Variants in ARF1 observed in about 807,000 individuals in gnomAD.
The protein encoded by ARF1 is ARF GTPase 1.
A neutral mutation model predicts 18.0 loss-of-function variants in ARF1; 1 was observed. The ratio of observed to expected loss-of-function variants is 0.06; its 90% CI spans 0.02 to 0.26. ARF1 has a LOEUF of 0.26. Among genes scored for constraint, ARF1 ranks in the 10% least tolerant of loss-of-function variants. The pLI is 1.00. For synonymous variants in ARF1, 112 were observed against 96.3 expected, an observed-to-expected ratio of 1.16 and a Z score of -0.95; for missense variants, 73 against 247.2, an observed-to-expected ratio of 0.30 and a Z score of 4.73.
chr1:228,083,307 C>T (rs1436817781), intron 1 of ARF1: 1 of 152,318 alleles, frequency 6.6e-6, no homozygotes, highest in Non-Finnish European at 1.5e-5. Flanking sequence ...CCGTCAAGGT[C>T]ATGTAGGTGG....
In ARF1 at chr1:228,097,124, A is replaced by G. The variant is rs2032773362; in HGVS notation, c.10A>G (p.Ile4Val). The change falls in exon 2 of 5, where the codon ATC (isoleucine) becomes GTC (valine). Residue 4 changes from isoleucine (I) to valine (V), a missense_variant. By Grantham distance (29) the Ile-to-Val change is conservative. Around this residue, in one of 3 missense-constraint regions of ARF1, gnomAD observed 13 missense variants for 17.2 expected, o/e 0.75. Transcript: ENST00000272102. The surrounding 1 kb of genome is among the most constrained non-coding windows in gnomAD (Gnocchi z 8.1). ...CCACCTGTCCACAAGCATGGGGAAC[A>G]TCTTCGCCAACCTCTTCAAGGGCCT... MGN[I>V]FANLFKGLFG... The G allele has an allele frequency of 6.2e-7, 1 of 1,603,624 alleles. No individual in the cohort carries two copies. The highest frequency in any genetic ancestry group is 1.1e-5 in the South Asian group (1 of 88,976).
At position 228,099,075 on chromosome 1, in the gene ARF1, A is replaced by G. The variant is rs972912581; in HGVS notation, c.*1062A>G. 51 of 152,674 alleles carry G rather than the reference A, an allele frequency of 3.3e-4. No individual in the cohort carries two copies. Among genetic ancestry groups the G allele is most frequent in the African/African-American group, 9.6e-4 (40 of 41,466 alleles). The allele number at this position is 152,674 out of a possible 1,614,324, so 9.5% of individuals were successfully genotyped here. A position where few individuals can be genotyped will look rare whatever the true frequency, so the allele number is the denominator to read the frequency against. On this transcript the variant is annotated 3_prime_UTR_variant, in exon 5 of 5. Coordinates refer to ENST00000272102, the MANE Select transcript of ARF1 (RefSeq NM_001658.4). Reference sequence around the variant, plus strand: ...CTTGGGGAAACCTCAGAACTGGTCTATTTGGTGTCGTGGAACCTCTTACTG... The same window carrying G: ...CTTGGGGAAACCTCAGAACTGGTCTGTTTGGTGTCGTGGAACCTCTTACTG...
At position 228,097,460 on chromosome 1, in the gene ARF1, G is replaced by T. The variant is rs781667395; in HGVS notation, c.259+8G>T. On this transcript the variant is annotated splice_region_variant and intron_variant, in intron 3 of 4. Transcript: ENST00000272102. This position sits in a 1 kb window ranked among gnomAD's most constrained non-coding sequence, Gnocchi z 8.1. ...ACTTCCAGAACACACAAGGTAAGTG[G>T]CTGGGGCCTGGTCCCATGGGCACTC... 6.2e-7 allele frequency: 1 copy of T among 1,613,852 alleles called. No homozygotes were observed. Among genetic ancestry groups the T allele is most frequent in the Non-Finnish European group, 8.5e-7 (1 of 1,179,888 alleles).
rs144083555 is a variant in ARF1 at position 228,099,017 on chromosome 1, G to A, written c.*1004G>A. The A allele has an allele frequency of 1.3e-5, 2 of 152,716 alleles. No individual in the cohort carries two copies. The highest frequency in any genetic ancestry group is 3.9e-4 in the East Asian group (2 of 5,182). 9.5% of individuals were successfully genotyped at this position (152,716 alleles called of 1,614,324 possible). ...CCTCTACTTTTTTCTTTTGTATTTT[G>A]ATAAACACTGAAGCTGGAGCTGTTA... is the stretch of plus-strand genomic sequence containing the variant. On this transcript the variant is annotated 3_prime_UTR_variant, in exon 5 of 5. Coordinates refer to ENST00000272102, the MANE Select transcript of ARF1 (RefSeq NM_001658.4).
chr1:228,090,245 C>T (rs978700091), intron 1 of ARF1, among the ~76,000 whole-genome samples: 42 of 152,230 alleles, frequency 2.8e-4, no homozygotes, highest in African/African-American at 1.0e-3. Context: ...CCCTTGGGCA[C>T]AGCATAGGCG....
chr1:228,096,036 C>T (rs1216788177), intron 1 of ARF1, among the ~76,000 whole-genome samples: 2 of 152,210 alleles, frequency 1.3e-5, no homozygotes, highest in African/African-American at 2.4e-5. Flanking sequence ...AAATCAGACA[C>T]GGGCGGCCAG....
intron 1 of ARF1, chr1:228,090,546 G>A (rs2032545658): frequency 6.6e-6 from 1 of 152,284 alleles, no homozygotes; most frequent in African/African-American, 2.4e-5. Flanking sequence ...TTTCAGTGTT[G>A]GGGGCTAATG....
chr1:228,096,366 C>A (rs1458254029), intron 1 of ARF1: 2 of 152,282 alleles, frequency 1.3e-5, no homozygotes, highest in Non-Finnish European at 2.9e-5. Flanking sequence ...TTTCTAAAGT[C>A]CCTGTTCGGG....
chr1:228,083,930 C>G (rs1424632140), intron 1 of ARF1, among the ~76,000 whole-genome samples: 1 of 152,246 alleles, frequency 6.6e-6, no homozygotes, highest in Non-Finnish European at 1.5e-5. Context: ...CCCGAAGTCG[C>G]CGCCTAGTTG....
Position 228,089,416 on chromosome 1 carries a change from T to G in ARF1, c.-38+6651T>G, listed in dbSNP as rs996424552. Among the ~76,000 whole-genome samples the G allele has an allele frequency of 6.6e-6, 1 of 151,962 alleles. No homozygotes were observed. Among genetic ancestry groups the G allele is most frequent in the Non-Finnish European group, 1.5e-5 (1 of 67,978 alleles). ...ACATGTCTGACTGACCAGAGTGGGGTGGGGTGGCAAGGTGGTGCTCGTCCC... is the reference window on the plus strand; with the variant it reads ...ACATGTCTGACTGACCAGAGTGGGGGGGGGTGGCAAGGTGGTGCTCGTCCC... On this transcript the variant is annotated intron_variant, in intron 1 of 4. Transcript: ENST00000272102. The surrounding 1 kb of genome is among the most constrained non-coding windows in gnomAD (Gnocchi z 4.1).
intron 1 of ARF1, among the ~76,000 whole-genome samples, chr1:228,091,536 A>C (rs775268215): frequency 2.6e-5 from 4 of 152,148 alleles, no homozygotes; most frequent in Non-Finnish European, 5.9e-5. Context: ...CTTTTGTCTC[A>C]ATCTGCATGA....
intron 1 of ARF1, chr1:228,083,575 T>C (rs1006075875): frequency 4.6e-5 from 7 of 152,226 alleles, no homozygotes; most frequent in African/African-American, 1.7e-4. Flanking sequence ...AACTCCAGGG[T>C]GGTTTCCTTG....
Position 228,097,147 on chromosome 1 carries a change from C to A in ARF1, c.33C>A (p.Gly11=), listed in dbSNP as rs771191633. Residue 11 remains glycine (G), a synonymous_variant, in exon 2 of 5, where the codon GGC becomes GGA. Transcript: ENST00000272102. The surrounding 1 kb of genome is among the most constrained non-coding windows in gnomAD (Gnocchi z 8.1). The part of the protein sequence containing the change: MGNIFANLFK[G]LFGKKEMRIL... ...ACATCTTCGCCAACCTCTTCAAGGG[C>A]CTTTTTGGCAAAAAAGAAATGCGCA... 1.9e-6 allele frequency: 3 copies of A among 1,612,490 alleles called. No individual in the cohort carries two copies. Among genetic ancestry groups the A allele is most frequent in the Non-Finnish European group, 2.5e-6 (3 of 1,179,198 alleles).
At chr1:228,090,843 C>T (rs1302791121) in intron 1 of ARF1, 1 of 152,308 alleles carries the variant, frequency 6.6e-6, no homozygotes, top group African/African-American at 2.4e-5. Flanking sequence ...TGGGGCAGCA[C>T]AAAGGACTGG....
intron 1 of ARF1, among the ~76,000 whole-genome samples, chr1:228,091,770 A>G (rs1434581146): frequency 6.6e-6 from 1 of 152,206 alleles, no homozygotes; most frequent in Non-Finnish European, 1.5e-5. Context: ...TGTCAGGCCT[A>G]CAGAAATGGA....
intron 1 of ARF1, among the ~76,000 whole-genome samples, chr1:228,094,846 C>T (rs2032688924): frequency 6.6e-6 from 1 of 152,168 alleles, no homozygotes. Flanking sequence ...TCTGGGGCAT[C>T]AGAGGTGTCA....
rs747469592 is a variant in ARF1 at position 228,097,302 on chromosome 1, G to C, written c.148+40G>C. On this transcript the variant is annotated intron_variant, in intron 2 of 4. Transcript: ENST00000272102. This position sits in a 1 kb window ranked among gnomAD's most constrained non-coding sequence, Gnocchi z 8.1. ...AGCAGGGAGTGGGCTGGGCTGGGCT[G>C]GGCCAAGGTACAAGGCCTCACCCTG... 7.0e-5 allele frequency: 113 copies of C among 1,609,946 alleles called. No homozygotes were observed. The highest frequency in any genetic ancestry group is 9.2e-5 in the Non-Finnish European group (108 of 1,177,422).
rs2032516736 is a variant in ARF1, at chr1:228,089,723, C to T, written c.-38+6958C>T. On this transcript the variant is annotated intron_variant, in intron 1 of 4. Transcript: ENST00000272102. The surrounding 1 kb of genome is among the most constrained non-coding windows in gnomAD (Gnocchi z 4.1). ...GCTCTCCCAGTTTATGACAGCAACA[C>T]CAGCAGTGTGCTGTTCCAGTTCCCC... Among the ~76,000 whole-genome samples, 1 of 152,032 alleles carries T rather than the reference C, an allele frequency of 6.6e-6. No homozygotes were observed. The highest frequency in any genetic ancestry group is 6.6e-5 in the Admixed American group (1 of 15,252).
chr1:228,091,091 T>A (rs985446375), intron 1 of ARF1: 1 of 152,254 alleles, frequency 6.6e-6, no homozygotes, highest in Non-Finnish European at 1.5e-5. Context: ...CTTTGGTGTT[T>A]ACATTAGCTA....
Sources: allele counts gnomAD v4.1 joint callset (sites outside exome capture counted in the v4.1 genomes callset), GRCh38; gene constraint gnomAD v4.1.1; regional missense constraint gnomAD v4.1.1; non-coding constraint Gnocchi (gnomAD v3.1); transcripts MANE v1.5; gene names NCBI Gene and HGNC (gene_info 2026-07-23, HGNC 2026-07-21).